GNAL: variants seen among roughly 807,000 people sequenced by gnomAD.
The protein encoded by GNAL is guanine nucleotide-binding protein G(olf) subunit alpha.
In GNAL, 18 loss-of-function variants were observed where a neutral mutation model predicts 55.1. The ratio of observed to expected loss-of-function variants is 0.33; its 90% CI spans 0.23 to 0.48. GNAL has a LOEUF of 0.48. Among genes scored for constraint, GNAL ranks in the 20% least tolerant of loss-of-function variants. The pLI is 0.99. For missense variants in GNAL, 412 were observed against 614.1 expected (o/e 0.67, Z 3.48); for synonymous variants, 253 against 237.0 (o/e 1.07, Z -0.62).
At chr18:11,761,109 G>T (rs1214136553) in intron 4 of GNAL, among the ~76,000 whole-genome samples, 1 of 152,076 alleles carries the variant, frequency 6.6e-6, no homozygotes, top group Non-Finnish European at 1.5e-5. Flanking sequence ...AGTCCACACG[G>T]CCCCCAGGTC....
chr18:11,853,522 A>G (rs1339429943), intron 5 of GNAL: 1 of 166,994 alleles, frequency 6.0e-6, no homozygotes, highest in Non-Finnish European at 1.5e-5. Flanking sequence ...AGAGAATTCC[A>G]TTGTTTCAGA....
chr18:11,724,708 T>C (rs900543614), intron 1 of GNAL, among the ~76,000 whole-genome samples: 74 of 152,302 alleles, frequency 4.9e-4, no homozygotes, highest in African/African-American at 1.7e-3. Flanking sequence ...CCACTTCCAT[T>C]TGATGATGGA....
chr18:11,799,957 C>T (rs963299474), intron 4 of GNAL, among the ~76,000 whole-genome samples: 3 of 152,056 alleles, frequency 2.0e-5, no homozygotes, highest in African/African-American at 7.2e-5. Flanking sequence ...CCCTTTTTCC[C>T]TCTCCATTCC....
In GNAL at chr18:11,689,603, G is replaced by A. The variant is rs1380175713; in HGVS notation, c.40G>A (p.Gly14Ser). 6 of 1,336,462 alleles carry A rather than the reference G, an allele frequency of 4.5e-6. No homozygotes were observed. The highest frequency in any genetic ancestry group is 4.7e-6 in the Non-Finnish European group (5 of 1,053,948). The allele number at this position is 1,336,462 out of a possible 1,614,324, so 82.8% of individuals were successfully genotyped here. Residue 14 changes from glycine to serine, a missense_variant, in exon 1 of 12, where the codon GGC (glycine) becomes AGC (serine). Gly to Ser is a moderately conservative substitution (Grantham distance 56). Transcript: ENST00000334049. Reference sequence around the variant, plus strand: ...CAGTCTGCGGCCGCTGCTTTTCGGGGGCCCAGGGGACGACCCCTGCGCGGC... The same window carrying A: ...CAGTCTGCGGCCGCTGCTTTTCGGGAGCCCAGGGGACGACCCCTGCGCGGC... ...CYSLRPLLFG[G>S]PGDDPCAASE...
At chr18:11,811,722 T>G (rs1424435601) in intron 4 of GNAL, among the ~76,000 whole-genome samples, 1 of 152,212 alleles carries the variant, frequency 6.6e-6, no homozygotes, top group Admixed American at 6.5e-5. Context: ...TGCTTTAAAT[T>G]TAACCTTGTT....
At chr18:11,873,372 C>T (rs2036443331) in intron 10 of GNAL, among the ~76,000 whole-genome samples, 1 of 152,198 alleles carries the variant, frequency 6.6e-6, no homozygotes, top group South Asian at 2.1e-4. Context: ...AATCCTGACC[C>T]TTGTGGGGCC....
intron 4 of GNAL, among the ~76,000 whole-genome samples, chr18:11,764,739 C>G (rs1438210952): frequency 1.3e-5 from 2 of 152,118 alleles, no homozygotes; most frequent in Non-Finnish European, 2.9e-5. Flanking sequence ...CCAGCCACTG[C>G]ACTCCTGCCT....
At chr18:11,690,958 C>T (rs1438565304) in intron 1 of GNAL, among the ~76,000 whole-genome samples, 1 of 148,448 alleles carries the variant, frequency 6.7e-6, no homozygotes, top group Non-Finnish European at 1.5e-5. Flanking sequence ...GATTTATAGT[C>T]CTTTGGGTAT....
chr18:11,792,285 A>G (rs1303533894), intron 4 of GNAL, among the ~76,000 whole-genome samples: 1 of 152,024 alleles, frequency 6.6e-6, no homozygotes, highest in East Asian at 1.9e-4. Context: ...TCCCGAGTTC[A>G]AGCAATTCTC....
At chr18:11,867,664 A>C (rs1292827147) in intron 8 of GNAL, among the ~76,000 whole-genome samples, 2 of 152,000 alleles carry the variant, frequency 1.3e-5, no homozygotes, top group Non-Finnish European at 2.9e-5. Context: ...AATACAAAAA[A>C]TTAGCCGGGT....
chr18:11,833,526 C>T (rs751941332), intron 5 of GNAL: 1 of 152,166 alleles, frequency 6.6e-6, no homozygotes, highest in Non-Finnish European at 1.5e-5. Flanking sequence ...CCTGAGACAT[C>T]CAGAAGAAAA....
At chr18:11,727,166 G>A (rs1176962135) in intron 1 of GNAL, among the ~76,000 whole-genome samples, 2 of 151,918 alleles carry the variant, frequency 1.3e-5, no homozygotes, top group Non-Finnish European at 2.9e-5. Flanking sequence ...CTACCACCCT[G>A]CCCAGCCCTG....
At chr18:11,766,765 G>A (rs1472657948) in intron 4 of GNAL, among the ~76,000 whole-genome samples, 3 of 152,128 alleles carry the variant, frequency 2.0e-5, no homozygotes, top group Admixed American at 6.6e-5. Flanking sequence ...AATATAGAAC[G>A]ATTTTATTAG....
At chr18:11,749,277 C>A (rs569274939) in intron 1 of GNAL, among the ~76,000 whole-genome samples, 2 of 152,146 alleles carry the variant, frequency 1.3e-5, no homozygotes, top group African/African-American at 4.8e-5. Flanking sequence ...TCTCCTTCCA[C>A]AGAACTTCAA....
intron 1 of GNAL, among the ~76,000 whole-genome samples, chr18:11,718,747 C>A (rs2143394633): frequency 6.6e-6 from 1 of 152,288 alleles, no homozygotes; most frequent in South Asian, 2.1e-4. Context: ...TAAACCAGTT[C>A]TAAATGAGAG....
chr18:11,691,418 T>C (rs138784025), intron 1 of GNAL, among the ~76,000 whole-genome samples: 5 of 148,776 alleles, frequency 3.4e-5, no homozygotes, highest in East Asian at 1.9e-4. Context: ...GTTGCCTGTT[T>C]ACTCTGATGG....
chr18:11,711,645 C>G (rs1460300305), intron 1 of GNAL, among the ~76,000 whole-genome samples: 1 of 152,200 alleles, frequency 6.6e-6, no homozygotes, highest in African/African-American at 2.4e-5. Flanking sequence ...CCTGTGTTCT[C>G]TGGTAACTCT....
At chr18:11,814,127 G>GCCAGGCACTATGCCTCATGCCT (rs2034892557) in intron 4 of GNAL, among the ~76,000 whole-genome samples, 1 of 152,110 alleles carries the variant, frequency 6.6e-6, no homozygotes. Context: ...TTTACTAAGT[G>GCCAGGCACTATGCCTCATGCCT]GTAGGCAAAT....
At chr18:11,691,391 T>C (rs2031242727) in intron 1 of GNAL, among the ~76,000 whole-genome samples, 1 of 151,516 alleles carries the variant, frequency 6.6e-6, no homozygotes, top group African/African-American at 2.4e-5. Context: ...TTGCGAAAAT[T>C]TTCTCCCATT....
Sources: allele counts gnomAD v4.1 joint callset (sites outside exome capture counted in the v4.1 genomes callset), GRCh38; gene constraint gnomAD v4.1.1; transcripts MANE v1.5; gene names NCBI Gene and HGNC (gene_info 2026-07-23, HGNC 2026-07-21).